PSD2: variants seen among roughly 807,000 people sequenced by gnomAD.
PSD2 encodes PH and SEC7 domain-containing protein 2.
In PSD2, 38 loss-of-function variants were observed where a neutral mutation model predicts 69.8. The ratio of observed to expected loss-of-function variants is 0.54; its 90% CI spans 0.42 to 0.71. The LOEUF is 0.71. PSD2 is among the 30% of genes least tolerant of loss of function. The probability of loss-of-function intolerance (pLI) is 0.00; values close to 1 mark genes in which losing one functional copy is unlikely to be tolerated. For synonymous variants in PSD2, 412 were observed against 423.0 expected (o/e 0.97, Z 0.32); for missense variants, 943 against 1,014.5 (o/e 0.93, Z 0.96).
intron 7 of PSD2, among the ~76,000 whole-genome samples, chr5:139,827,706 G>A (rs1760462942): frequency 1.3e-5 from 2 of 152,208 alleles, no homozygotes; most frequent in South Asian, 4.1e-4. Context: ...GGAAGGGGAA[G>A]CAGGCATCTT....
the PSD2 span, among the ~76,000 whole-genome samples, chr5:139,767,485 T>C: frequency 1.3e-5 from 2 of 152,102 alleles, no homozygotes; most frequent in South Asian, 4.1e-4. Flanking sequence ...CAGCTAATTT[T>C]TGTATTTTTA....
At chr5:139,829,337 T>C (rs1760509897) in intron 7 of PSD2, among the ~76,000 whole-genome samples, 1 of 152,254 alleles carries the variant, frequency 6.6e-6, no homozygotes. Flanking sequence ...TGATTTATTT[T>C]CTTGTTATGA....
chr5:139,794,813 G>C (rs1268203880), upstream of PSD2, among the ~76,000 whole-genome samples: 1 of 152,168 alleles, frequency 6.6e-6, no homozygotes, highest in Non-Finnish European at 1.5e-5. Context: ...TGTGGGTGGG[G>C]GCCCTTTAAT....
At chr5:139,770,718 C>T in the PSD2 span, among the ~76,000 whole-genome samples, 1 of 152,198 alleles carries the variant, frequency 6.6e-6, no homozygotes, top group Non-Finnish European at 1.5e-5. Context: ...AGTTCCTTTC[C>T]TTTCAGCCCC....
chr5:139,828,589 C>T (rs1760488850), intron 7 of PSD2, among the ~76,000 whole-genome samples: 1 of 152,156 alleles, frequency 6.6e-6, no homozygotes, highest in Non-Finnish European at 1.5e-5. Context: ...CAAATAGTGG[C>T]AAGGGTTTTT....
At position 139,821,910 on chromosome 5, in the gene PSD2, TC is replaced by T; in HGVS notation, c.1118del (p.Pro373ArgfsTer2). 1 of 1,607,982 alleles carries T rather than the reference TC, an allele frequency of 6.2e-7. No individual in the cohort carries two copies. Among genetic ancestry groups the T allele is most frequent in the South Asian group, 1.1e-5 (1 of 89,934 alleles). On this transcript the variant is annotated frameshift_variant, in exon 6 of 15. Coordinates refer to ENST00000274710, the MANE Select transcript of PSD2 (RefSeq NM_032289.4). LOFTEE classifies it high-confidence loss of function. ...CCTTCCAGAACATTCTTGAAGGCCT[TC>T]CCGCTGATGGGGGAGACACAAGAGC... ...DGALRTFLKAFPLMGETQERE... is the reference protein window; with the variant it reads ...DGALRTFLKAXPLMGETQERE...
chr5:139,802,392 C>T (rs917817684), intron 1 of PSD2, among the ~76,000 whole-genome samples: 2 of 152,016 alleles, frequency 1.3e-5, no homozygotes, highest in Admixed American at 6.5e-5. Flanking sequence ...AGGTCTGCCT[C>T]TGCCCAGGTG....
the PSD2 span, among the ~76,000 whole-genome samples, chr5:139,783,633 G>T: frequency 1.3e-5 from 2 of 152,194 alleles, no homozygotes; most frequent in Admixed American, 6.5e-5. Flanking sequence ...GTCTTGCTGT[G>T]TTGCCCAGGC....
chr5:139,771,907 G>A, the PSD2 span, among the ~76,000 whole-genome samples: 1 of 152,214 alleles, frequency 6.6e-6, no homozygotes, highest in Non-Finnish European at 1.5e-5. Context: ...CCCCTTCCAA[G>A]GGCAGGGCCT....
the PSD2 span, among the ~76,000 whole-genome samples, chr5:139,756,630 C>A: frequency 6.6e-6 from 1 of 152,148 alleles, no homozygotes; most frequent in Non-Finnish European, 1.5e-5. Context: ...CTCAGCAGAG[C>A]GCCCTAGGAA....
the PSD2 span, among the ~76,000 whole-genome samples, chr5:139,766,962 TTTCTTTC>T: frequency 1.4e-5 from 2 of 142,286 alleles, no homozygotes; most frequent in South Asian, 2.4e-4. Flanking sequence ...TCTTTCTTTC[TTTCTTTC>T]TTTCTTTCTT....
chr5:139,765,632 G>A, the PSD2 span, among the ~76,000 whole-genome samples: 81 of 152,382 alleles, frequency 5.3e-4, no homozygotes, highest in Admixed American at 7.8e-4. Context: ...CAGCGGCCAG[G>A]AGGGGGAGAG....
chr5:139,779,979 C>T, the PSD2 span, among the ~76,000 whole-genome samples: 1 of 152,298 alleles, frequency 6.6e-6, no homozygotes, highest in Non-Finnish European at 1.5e-5. Flanking sequence ...AACAAAACTG[C>T]TATGAAATTG....
chr5:139,769,725 GGCTGGGTCAGT>G, the PSD2 span, among the ~76,000 whole-genome samples: 1 of 152,136 alleles, frequency 6.6e-6, no homozygotes, highest in Admixed American at 6.5e-5. Context: ...TTGTGACCCA[GGCTGGGTCAGT>G]CATTGCACTT....
In PSD2 at chr5:139,839,060, G is replaced by C. The variant is rs1760809617; in HGVS notation, c.1968+288G>C. The stretch of plus-strand genomic sequence containing the variant: ...AGAGTTGGTGGCCTTGTGTGCACCT[G>C]GGCACAAATGCAAGAGACCGTGTGT... On this transcript the variant is annotated intron_variant, in intron 13 of 14. Coordinates refer to ENST00000274710, the MANE Select transcript of PSD2 (RefSeq NM_032289.4). This position sits in a 1 kb window ranked among gnomAD's most constrained non-coding sequence, Gnocchi z 5.1. Among the ~76,000 whole-genome samples, 1 of 152,240 alleles carries C rather than the reference G, an allele frequency of 6.6e-6. No individual in the cohort carries two copies.
chr5:139,812,292 G>A (rs1313254782), intron 2 of PSD2, among the ~76,000 whole-genome samples: 1 of 152,024 alleles, frequency 6.6e-6, no homozygotes, highest in Non-Finnish European at 1.5e-5. Context: ...TCGGGAGGTC[G>A]GGGCAGTCCT....
chr5:139,758,755 G>A, the PSD2 span, among the ~76,000 whole-genome samples: 1 of 152,176 alleles, frequency 6.6e-6, no homozygotes, highest in African/African-American at 2.4e-5. Context: ...GACAGGCCAG[G>A]GATTCCATGC....
chr5:139,744,491 G>T, the PSD2 span, among the ~76,000 whole-genome samples: 1 of 152,106 alleles, frequency 6.6e-6, no homozygotes. Flanking sequence ...TCATTCCCCC[G>T]CCTGCTCGCC....
At chr5:139,765,186 C>T in the PSD2 span, among the ~76,000 whole-genome samples, 1 of 152,124 alleles carries the variant, frequency 6.6e-6, no homozygotes, top group Admixed American at 6.5e-5. Flanking sequence ...CTTCTGCTCG[C>T]TATCTTCACA....
Sources: gnomAD v4.1 joint callset for allele counts (sites outside exome capture counted in the v4.1 genomes callset) on GRCh38, gnomAD v4.1.1 for gene constraint, Gnocchi (gnomAD v3.1) non-coding constraint, MANE v1.5 for transcripts, NCBI Gene and HGNC (gene_info 2026-07-23, HGNC 2026-07-21) for gene names.